Variants in DOK6 observed in about 807,000 individuals in gnomAD.
DOK6 encodes downstream of tyrosine kinase 6.
DOK6 carries 22 observed loss-of-function variants against 44.0 expected under a neutral mutation model. The observed-to-expected ratio is 0.50, with a 90% CI of 0.36 to 0.71. The LOEUF (loss-of-function observed/expected upper bound fraction) is 0.71. Ranked by LOEUF, DOK6 falls within the 30% of genes least tolerant of loss-of-function variation. DOK6 has a pLI of 0.00. For synonymous variants in DOK6, 166 were observed against 145.5 expected (o/e 1.14, Z -1.01); for missense variants, 340 against 416.4 (o/e 0.82, Z 1.60).
At chr18:69,755,354 C>T (rs895756524) in intron 6 of DOK6, among the ~76,000 whole-genome samples, 2 of 152,124 alleles carry the variant, frequency 1.3e-5, no homozygotes, top group Non-Finnish European at 2.9e-5. Flanking sequence ...ACTTTCATCA[C>T]ATTTTGGAAA....
intron 5 of DOK6, among the ~76,000 whole-genome samples, chr18:69,738,702 T>A (rs1978695980): frequency 6.6e-6 from 1 of 151,952 alleles, no homozygotes; most frequent in African/African-American, 2.4e-5. Flanking sequence ...CTAAATCACC[T>A]TTTTTTTCTG....
intron 1 of DOK6, among the ~76,000 whole-genome samples, chr18:69,403,269 A>G (rs955933346): frequency 2.8e-4 from 43 of 152,102 alleles, no homozygotes; most frequent in African/African-American, 9.2e-4. Flanking sequence ...CACCCCATCC[A>G]AGCCCTCCAG....
chr18:69,684,136 C>T (rs906696668), intron 4 of DOK6, among the ~76,000 whole-genome samples: 1 of 152,130 alleles, frequency 6.6e-6, no homozygotes, highest in Non-Finnish European at 1.5e-5. Flanking sequence ...TACCATTTTA[C>T]TTTTATTATT....
chr18:69,755,170 G>A (rs1013725327), intron 6 of DOK6, among the ~76,000 whole-genome samples: 8 of 152,142 alleles, frequency 5.3e-5, no homozygotes, highest in East Asian at 1.9e-4. Flanking sequence ...AACATGAGGC[G>A]TAAAACAATA....
intron 1 of DOK6, among the ~76,000 whole-genome samples, chr18:69,427,968 G>T (rs895912023): frequency 6.6e-6 from 1 of 151,996 alleles, no homozygotes; most frequent in Non-Finnish European, 1.5e-5. Context: ...AGTAAAGATG[G>T]GGTTTTAATA....
chr18:69,441,823 C>T (rs1453554022), intron 1 of DOK6, among the ~76,000 whole-genome samples: 1 of 152,056 alleles, frequency 6.6e-6, no homozygotes, highest in East Asian at 1.9e-4. Flanking sequence ...ACAGGTAGAA[C>T]ACCGGTGTGC....
chr18:69,840,404 GA>G (rs1414137295), intron 7 of DOK6, among the ~76,000 whole-genome samples: 3 of 152,256 alleles, frequency 2.0e-5, no homozygotes, highest in African/African-American at 4.8e-5. Context: ...GGATGAGGGG[GA>G]AAAAACAAAT....
In DOK6 at chr18:69,653,819, T is replaced by C. The variant is rs551881782; in HGVS notation, c.290-23915T>C. Among the ~76,000 whole-genome samples the C allele has an allele frequency of 1.4e-4, 22 of 152,290 alleles. No homozygotes were observed. The South Asian group carries it at 4.4e-3, about 30-fold the overall frequency. ...TGAGATCCTCAAATTATCGCTATAA[T>C]GTTTCAAACATACAAATTATCCCTA... On this transcript the variant is annotated intron_variant, in intron 3 of 7. Transcript: ENST00000382713.
chr18:69,763,261 C>A (rs1256035281), intron 7 of DOK6, among the ~76,000 whole-genome samples: 2 of 152,192 alleles, frequency 1.3e-5, no homozygotes, highest in Non-Finnish European at 2.9e-5. Context: ...CCTCTTCTTG[C>A]AGAAGTGGCA....
chr18:69,488,441 T>C (rs1980644457), intron 1 of DOK6, among the ~76,000 whole-genome samples: 1 of 152,190 alleles, frequency 6.6e-6, no homozygotes, highest in Non-Finnish European at 1.5e-5. Context: ...GCCATAGTGC[T>C]GCTGCCTCAA....
intron 3 of DOK6, among the ~76,000 whole-genome samples, chr18:69,601,256 A>G (rs1407944579): frequency 2.6e-5 from 4 of 152,192 alleles, no homozygotes; most frequent in African/African-American, 9.7e-5. Context: ...CAATGGCCCA[A>G]TTGAAAGCAA....
Position 69,504,578 on chromosome 18 carries a change from AG to A in DOK6, c.67-59908del, listed in dbSNP as rs1157897435. On this transcript the variant is annotated intron_variant, in intron 1 of 7. Transcript: ENST00000382713. ...TCCAACGAATATTACAAATGGAAAA[AG>A]TATATGATGAGCAATATTCAAATAT... Among the ~76,000 whole-genome samples the A allele has an allele frequency of 3.3e-5, 5 of 152,316 alleles. No individual in the cohort carries two copies. In the East Asian group the frequency reaches 9.6e-4, roughly 29 times the overall value.
Position 69,687,362 on chromosome 18 carries a change from T to C in DOK6, c.409+9509T>C, listed in dbSNP as rs541382530. On this transcript the variant is annotated intron_variant, in intron 4 of 7. Coordinates refer to ENST00000382713, the MANE Select transcript of DOK6 (RefSeq NM_152721.6). ...AGCATTTGATAAAATTCAAAATTCA[T>C]TTATGAAATCAACTCTCAAAAACCT... 2.6e-4 allele frequency among the ~76,000 whole-genome samples: 40 copies of C among 152,288 alleles called. No homozygotes were observed. In the South Asian group the frequency reaches 7.5e-3, roughly 28 times the overall value.
intron 1 of DOK6, among the ~76,000 whole-genome samples, chr18:69,461,524 C>T (rs1390794485): frequency 6.6e-6 from 1 of 152,122 alleles, no homozygotes; most frequent in Non-Finnish European, 1.5e-5. Flanking sequence ...CCTATTTGGT[C>T]TAAATTCCTC....
chr18:69,796,332 C>CAA (rs906332256), intron 7 of DOK6, among the ~76,000 whole-genome samples: 2 of 152,142 alleles, frequency 1.3e-5, no homozygotes, highest in African/African-American at 4.8e-5. Context: ...GGTCTGTCTG[C>CAA]AACGATAATA....
At chr18:69,673,381 A>G (rs1281535239) in intron 3 of DOK6, among the ~76,000 whole-genome samples, 3 of 152,230 alleles carry the variant, frequency 2.0e-5, no homozygotes, top group Non-Finnish European at 2.9e-5. Flanking sequence ...GGCATTTATT[A>G]AAGGTCTTCT....
chr18:69,402,213 G>A (rs1261423926), intron 1 of DOK6, among the ~76,000 whole-genome samples: 1 of 152,052 alleles, frequency 6.6e-6, no homozygotes, highest in Admixed American at 6.5e-5. Context: ...GTCCAGAAAA[G>A]CGAGGGGAAA....
intron 3 of DOK6, among the ~76,000 whole-genome samples, chr18:69,671,222 G>A (rs1351674177): frequency 1.3e-5 from 2 of 152,202 alleles, no homozygotes; most frequent in East Asian, 3.8e-4. Flanking sequence ...AAAATAGGTA[G>A]GGGCAATTTT....
intron 2 of DOK6, among the ~76,000 whole-genome samples, chr18:69,575,352 T>A (rs1377730131): frequency 6.6e-6 from 1 of 152,158 alleles, no homozygotes; most frequent in East Asian, 1.9e-4. Context: ...GTACAGCAGA[T>A]TGTAGTGAAA....
Sources: allele counts gnomAD v4.1 joint callset (sites outside exome capture counted in the v4.1 genomes callset), GRCh38; gene constraint gnomAD v4.1.1; transcripts MANE v1.5; gene names NCBI Gene and HGNC (gene_info 2026-07-23, HGNC 2026-07-21).